The following GIGYF2 variants were observed in gnomAD, a reference collection of about 807,000 sequenced individuals.
GIGYF2 encodes GRB10 interacting GYF protein 2, also known as GRB10-interacting GYF protein 2.
GIGYF2 carries 25 observed loss-of-function variants against 208.1 expected under a neutral mutation model. That is an observed-to-expected ratio of 0.12 (90% CI 0.09 to 0.17). The LOEUF (loss-of-function observed/expected upper bound fraction) is 0.17, where lower values mean the gene tolerates loss of function less well. Among genes scored for constraint, GIGYF2 ranks in the 10% least tolerant of loss-of-function variants. The pLI, the probability that GIGYF2 is intolerant of heterozygous loss-of-function variation, is 1.00. For missense variants in GIGYF2, 1,302 were observed against 1,579.4 expected (o/e 0.82, Z 2.98); for synonymous variants, 534 against 543.8 (o/e 0.98, Z 0.25).
intron 20 of GIGYF2, among the ~76,000 whole-genome samples, chr2:232,818,910 A>G (rs1358802154): frequency 6.6e-6 from 1 of 152,178 alleles, no homozygotes; most frequent in Admixed American, 6.5e-5. Context: ...AAGTCCTTGT[A>G]GTTAAGTCTT....
intron 5 of GIGYF2, among the ~76,000 whole-genome samples, chr2:232,750,590 T>G (rs1054110747): frequency 2.0e-5 from 3 of 152,252 alleles, no homozygotes; most frequent in Non-Finnish European, 4.4e-5. Flanking sequence ...TGTTTGCATT[T>G]CTTTGCCTGT....
At chr2:232,855,206 C>T (rs1200989273) in intron 28 of GIGYF2, among the ~76,000 whole-genome samples, 1 of 151,340 alleles carries the variant, frequency 6.6e-6, no homozygotes, top group Non-Finnish European at 1.5e-5. Flanking sequence ...TGTGCCTCAG[C>T]TTCCCGAGTA....
At chr2:232,732,940 CT>C (rs1159673268) in intron 2 of GIGYF2, among the ~76,000 whole-genome samples, 2 of 151,120 alleles carry the variant, frequency 1.3e-5, no homozygotes, top group Non-Finnish European at 2.9e-5. Context: ...GTTATGTTTT[CT>C]TTGAATCACT....
In GIGYF2 at chr2:232,845,778, G is replaced by A. The variant is rs1219423367; in HGVS notation, c.3352G>A (p.Glu1118Lys). 2 of 1,611,078 alleles carry A rather than the reference G, an allele frequency of 1.2e-6. No homozygotes were observed. Among genetic ancestry groups the A allele is most frequent in the Non-Finnish European group, 1.7e-6 (2 of 1,177,294 alleles). Residue 1118 changes from glutamate to lysine, a missense_variant, in exon 26 of 29, where the codon GAA (glutamate) becomes AAA (lysine). This residue lies in a region of GIGYF2 where 701 missense variants were observed against 793.0 expected (regional missense o/e 0.88). Transcript: ENST00000373563. ...CCGGCAGAATAAGAAAGTAGAAGAA[G>A]AAGAAAAGTTGCTGAAGCTCTTTCA... The part of the protein sequence containing the change: ...SNRQNKKVEE[E>K]EKLLKLFQGV...
At position 232,795,590 on chromosome 2, in the gene GIGYF2, C is replaced by T. The variant is rs1051178303; in HGVS notation, c.1480-472C>T. 2.2e-4 allele frequency among the ~76,000 whole-genome samples: 34 copies of T among 152,238 alleles called. No homozygotes were observed. The East Asian group carries it at 3.1e-3, about 14-fold the overall frequency. On this transcript the variant is annotated intron_variant, in intron 13 of 28. Coordinates refer to ENST00000373563, the MANE Select transcript of GIGYF2 (RefSeq NM_001103146.3). ...TATACCATTTAGAGTTGACCAACAG[C>T]TTATTAGTTTAAAAAGTACTCTTAG...
At chr2:232,794,409 T>A (rs111837570) in intron 12 of GIGYF2, among the ~76,000 whole-genome samples, 29 of 152,344 alleles carry the variant, frequency 1.9e-4, no homozygotes, top group African/African-American at 6.0e-4. Context: ...GGTGCATTGT[T>A]AACTTTTACA....
intron 21 of GIGYF2, among the ~76,000 whole-genome samples, chr2:232,823,128 G>A (rs1701145205): frequency 6.6e-6 from 1 of 151,816 alleles, no homozygotes; most frequent in South Asian, 2.1e-4. Flanking sequence ...TGCTTATATG[G>A]TGAATTATTA....
rs754637806 is a variant in GIGYF2 at position 232,839,985 on chromosome 2, G to A, written c.2889+14G>A. The A allele has an allele frequency of 3.7e-6, 6 of 1,613,158 alleles. No homozygotes were observed. In the East Asian group the frequency reaches 8.9e-5, roughly 24 times the overall value. ...CTTCGAGAAGAGGTAAAATTTTAAAGTAAAAGGGATCTAGTCAAGCGATGT... is the reference window on the plus strand; with the variant it reads ...CTTCGAGAAGAGGTAAAATTTTAAAATAAAAGGGATCTAGTCAAGCGATGT... On this transcript the variant is annotated intron_variant, in intron 23 of 28. Transcript: ENST00000373563.
At chr2:232,745,043 G>C (rs1054424886) in intron 3 of GIGYF2, among the ~76,000 whole-genome samples, 5 of 152,150 alleles carry the variant, frequency 3.3e-5, no homozygotes, top group Non-Finnish European at 5.9e-5. Flanking sequence ...TCAGTAAAGA[G>C]CCCAACTTTA....
intron 14 of GIGYF2, among the ~76,000 whole-genome samples, chr2:232,797,350 G>A (rs1299610134): frequency 2.0e-5 from 3 of 152,008 alleles, no homozygotes; most frequent in South Asian, 2.1e-4. Flanking sequence ...CACCCTGTGA[G>A]CTCTCTCCAA....
intron 8 of GIGYF2, among the ~76,000 whole-genome samples, chr2:232,780,501 G>A (rs1699677171): frequency 6.6e-6 from 1 of 152,120 alleles, no homozygotes; most frequent in Admixed American, 6.6e-5. Flanking sequence ...CCTTTTGAGG[G>A]TCACAGACAC....
chr2:232,828,788 T>C (rs1701330112), intron 21 of GIGYF2: 1 of 152,126 alleles, frequency 6.6e-6, no homozygotes, highest in Non-Finnish European at 1.5e-5. Context: ...ATACAGTGTG[T>C]AGAGATGGGG....
In GIGYF2 at chr2:232,771,246, T is replaced by C. The variant is rs770239517; in HGVS notation, c.532+9810T>C. 35 of 1,609,770 alleles carry C rather than the reference T, an allele frequency of 2.2e-5. No homozygotes were observed. The highest frequency in any genetic ancestry group is 8.4e-5 in the Admixed American group (5 of 59,844). On this transcript the variant is annotated intron_variant, in intron 8 of 28. Coordinates refer to ENST00000373563, the MANE Select transcript of GIGYF2 (RefSeq NM_001103146.3). Reference sequence around the variant, plus strand: ...GGATTCCCCAAGCATCTCGAAGATATGCAAGACCTCTTTGAGCGCCATCCA... The same window carrying C: ...GGATTCCCCAAGCATCTCGAAGATACGCAAGACCTCTTTGAGCGCCATCCA...
At chr2:232,760,772 G>A (rs1460050496) in intron 7 of GIGYF2, 181 bp downstream of exon 7, 13 of 563,456 alleles carry the variant, frequency 2.3e-5, no homozygotes, top group South Asian at 4.2e-5. Flanking sequence ...AAAGGAAGAC[G>A]GATTCTAGAT....
At chr2:232,734,847 G>A (rs977680319) in intron 2 of GIGYF2, among the ~76,000 whole-genome samples, 1 of 152,112 alleles carries the variant, frequency 6.6e-6, no homozygotes, top group Non-Finnish European at 1.5e-5. Flanking sequence ...GGGATAAAGG[G>A]AGAAAATCCT....
At chr2:232,701,035 A>G (rs1476843589) in intron 1 of GIGYF2, among the ~76,000 whole-genome samples, 1 of 152,164 alleles carries the variant, frequency 6.6e-6, no homozygotes, top group African/African-American at 2.4e-5. Context: ...AATGAGAAAT[A>G]TACTAAATTA....
intron 12 of GIGYF2, among the ~76,000 whole-genome samples, chr2:232,792,384 C>T (rs1700095766): frequency 6.6e-6 from 1 of 152,096 alleles, no homozygotes; most frequent in Non-Finnish European, 1.5e-5. Context: ...TTTGAGAGCT[C>T]AAACCCAGGA....
At chr2:232,738,409 G>A (rs933062209) in intron 3 of GIGYF2, among the ~76,000 whole-genome samples, 2 of 152,086 alleles carry the variant, frequency 1.3e-5, no homozygotes, top group African/African-American at 4.8e-5. Context: ...TGCCACCTTA[G>A]ACCTTTCCTG....
At chr2:232,779,059 G>T (rs561125519) in intron 8 of GIGYF2, among the ~76,000 whole-genome samples, 1 of 152,100 alleles carries the variant, frequency 6.6e-6, no homozygotes, top group East Asian at 1.9e-4. Context: ...ATATTTTGGG[G>T]TGGTGTTTCC....
Sources: gnomAD v4.1 joint callset for allele counts (sites outside exome capture counted in the v4.1 genomes callset) on GRCh38, gnomAD v4.1.1 for gene constraint, gnomAD v4.1.1 regional missense constraint, MANE v1.5 for transcripts, NCBI Gene and HGNC (gene_info 2026-07-23, HGNC 2026-07-21) for gene names.